Variants in IL7R observed in about 807,000 individuals in gnomAD.
IL7R encodes interleukin-7 receptor subunit alpha.
A neutral mutation model predicts 47.0 loss-of-function variants in IL7R; 38 were observed. The observed-to-expected ratio is 0.81, with a 90% CI of 0.62 to 1.06. The LOEUF is 1.06. Ranked by LOEUF, IL7R falls within the 50% of genes least tolerant of loss-of-function variation. The pLI is 0.00. For synonymous variants in IL7R, 221 were observed against 199.8 expected (o/e 1.11, Z -0.89); for missense variants, 633 against 534.8 (o/e 1.18, Z -1.81).
At chr5:35,859,058 A>G (rs1165318652) in intron 1 of IL7R, among the ~76,000 whole-genome samples, 1 of 152,226 alleles carries the variant, frequency 6.6e-6, no homozygotes, top group African/African-American at 2.4e-5. Context: ...TTTCTTGGTT[A>G]CAAAGCAACT....
intron 3 of IL7R, among the ~76,000 whole-genome samples, chr5:35,867,987 C>G (rs1218458414): frequency 2.0e-5 from 3 of 152,166 alleles, no homozygotes; most frequent in South Asian, 4.1e-4. Flanking sequence ...AAGAAATTGA[C>G]TTTTGTGGTT....
chr5:35,875,445 G>C (rs1002166936), intron 6 of IL7R, 67 bp from the exon 7 acceptor site: 4 of 1,064,646 alleles, frequency 3.8e-6, no homozygotes, highest in Non-Finnish European at 5.9e-6. Flanking sequence ...CTCAGAATAA[G>C]TGGGAAGACT....
chr5:35,861,999 T>G (rs1445825011), intron 2 of IL7R, among the ~76,000 whole-genome samples: 2 of 152,144 alleles, frequency 1.3e-5, no homozygotes, highest in Non-Finnish European at 2.9e-5. Context: ...AAACAAGCCC[T>G]GAATTCCAGT....
At position 35,876,580 on chromosome 5, in the gene IL7R, G is replaced by C; in HGVS notation, c.*94G>C. On this transcript the variant is annotated 3_prime_UTR_variant, in exon 8 of 8. Coordinates refer to ENST00000303115, the MANE Select transcript of IL7R (RefSeq NM_002185.5). ...CTAGTCTCCCTCACAGCACAGAGAA[G>C]ACAAAATTAGCAAAACCCCACTACA... 7.2e-7 allele frequency: 1 copy of C among 1,389,044 alleles called. No homozygotes were observed. Among genetic ancestry groups the C allele is most frequent in the South Asian group, 1.2e-5 (1 of 83,708 alleles). The allele number at this position is 1,389,044 out of a possible 1,614,324, so 86.0% of individuals were successfully genotyped here. A position where few individuals can be genotyped will look rare whatever the true frequency, so the allele number is the denominator to read the frequency against.
intron 7 of IL7R, 138 bp downstream of exon 7, chr5:35,875,725 C>A: frequency 1.2e-6 from 1 of 805,394 alleles, no homozygotes. Flanking sequence ...TCCTAAGACC[C>A]TAGCTGCAGT....
At chr5:35,870,993 T>G in intron 3 of IL7R, 63 bp from the exon 4 acceptor site, 1 of 1,453,062 alleles carries the variant, frequency 6.9e-7, no homozygotes, top group Non-Finnish European at 9.7e-7. Flanking sequence ...AGATGAATTT[T>G]AAATACTATA....
chr5:35,875,707 A>G, intron 7 of IL7R, 120 bp downstream of exon 7: 1 of 859,470 alleles, frequency 1.2e-6, no homozygotes, highest in Non-Finnish European at 2.0e-6. Flanking sequence ...TCCTGTAACT[A>G]GGGTCCCTCC....
chr5:35,873,340 A>G, intron 4 of IL7R, 140 bp from the exon 5 acceptor site: 1 of 758,496 alleles, frequency 1.3e-6, no homozygotes, highest in Non-Finnish European at 2.3e-6. Flanking sequence ...TTTACGTATC[A>G]GAGCTCCTTA....
chr5:35,867,558 G>A, intron 3 of IL7R, 95 bp downstream of exon 3: 1 of 934,528 alleles, frequency 1.1e-6, no homozygotes, highest in Non-Finnish European at 1.7e-6. Flanking sequence ...GACAAATAGT[G>A]GAAACAACTG....
chr5:35,868,576 C>G (rs1759996607), intron 3 of IL7R, among the ~76,000 whole-genome samples: 1 of 152,150 alleles, frequency 6.6e-6, no homozygotes, highest in South Asian at 2.1e-4. Context: ...GCTTTGACAA[C>G]AACAGGGTAT....
At chr5:35,863,525 A>G (rs1439453238) in intron 2 of IL7R, among the ~76,000 whole-genome samples, 4 of 152,186 alleles carry the variant, frequency 2.6e-5, no homozygotes, top group African/African-American at 9.7e-5. Context: ...TGTGGGTTGT[A>G]GGTAGTAAAA....
chr5:35,867,920 A>C (rs1759979143), intron 3 of IL7R, among the ~76,000 whole-genome samples: 1 of 152,198 alleles, frequency 6.6e-6, no homozygotes, highest in South Asian at 2.1e-4. Context: ...CTACAAAAAA[A>C]AAAGGGAATC....
chr5:35,861,184 C>G (rs1342425385), intron 2 of IL7R, among the ~76,000 whole-genome samples, 194 bp downstream of exon 2: 1 of 152,178 alleles, frequency 6.6e-6, no homozygotes, highest in Non-Finnish European at 1.5e-5. Context: ...CACGGTTCAG[C>G]TTTCAGACCC....
chr5:35,872,478 A>G (rs1336065777), intron 4 of IL7R, among the ~76,000 whole-genome samples: 2 of 152,150 alleles, frequency 1.3e-5, no homozygotes, highest in Non-Finnish European at 2.9e-5. Context: ...GATTACAGGC[A>G]TAAGCCAACA....
chr5:35,876,458 C>T lies in IL7R; in HGVS notation c.1352C>T (p.Thr451Ile), dbSNP rs1232767842. The change falls in exon 8 of 8, where the codon ACC becomes ATC. Residue 451 changes from threonine (T) to isoleucine (I), a missense_variant. Physicochemically the swap from Thr to Ile is moderately conservative, Grantham distance 89. Transcript: ENST00000303115. The stretch of plus-strand genomic sequence containing the variant: ...TCAAATCAAGAAGAAGCATATGTCA[C>T]CATGTCCAGCTTCTACCAAAACCAG... The part of the protein sequence containing the change: ...LGSNQEEAYV[T>I]MSSFYQNQ 1.2e-6 allele frequency: 2 copies of T among 1,604,746 alleles called. No individual in the cohort carries two copies. The highest frequency in any genetic ancestry group is 1.3e-5 in the African/African-American group (1 of 74,916).
rs1760231910 is a variant in IL7R at position 35,876,848 on chromosome 5, A to G, written c.*362A>G. 2.8e-6 allele frequency: 1 copy of G among 361,474 alleles called. No homozygotes were observed. The highest frequency in any genetic ancestry group is 4.2e-5 in the South Asian group (1 of 23,962). 22.4% of individuals were successfully genotyped at this position (361,474 alleles called of 1,614,324 possible). A position where few individuals can be genotyped will look rare whatever the true frequency, so the allele number is the denominator to read the frequency against. On this transcript the variant is annotated 3_prime_UTR_variant, in exon 8 of 8. Coordinates refer to ENST00000303115, the MANE Select transcript of IL7R (RefSeq NM_002185.5). ...GAAAGAAAGGAAAATAAAAAATGAT[A>G]GTTGCCATTATTAGGATTTAATATA...
At chr5:35,866,886 C>A (rs1759952990) in intron 2 of IL7R, among the ~76,000 whole-genome samples, 4 of 152,098 alleles carry the variant, frequency 2.6e-5, no homozygotes, top group African/African-American at 7.2e-5. Flanking sequence ...ACCCTTTATA[C>A]TATGTTATCA....
At chr5:35,872,347 C>T (rs576904132) in intron 4 of IL7R, among the ~76,000 whole-genome samples, 6 of 152,170 alleles carry the variant, frequency 3.9e-5, no homozygotes, top group East Asian at 3.9e-4. Flanking sequence ...TACAGGCACC[C>T]GCCATCATGC....
At chr5:35,867,563 C>T in intron 3 of IL7R, 100 bp downstream of exon 3, 2 of 908,816 alleles carry the variant, frequency 2.2e-6, no homozygotes, top group Non-Finnish European at 3.6e-6. Context: ...ATAGTGGAAA[C>T]AACTGGCAAT....
Sources: gnomAD v4.1 joint callset for allele counts (sites outside exome capture counted in the v4.1 genomes callset) on GRCh38, gnomAD v4.1.1 for gene constraint, MANE v1.5 for transcripts, NCBI Gene and HGNC (gene_info 2026-07-23, HGNC 2026-07-21) for gene names.